Variants in MCM3 observed in about 807,000 individuals in gnomAD.
MCM3 encodes the protein minichromosome maintenance complex component 3, also known as DNA replication licensing factor MCM3.
Under a neutral mutation model 91.3 loss-of-function variants are expected in MCM3, and 59 were observed. The observed-to-expected ratio is 0.65, with a 90% CI of 0.52 to 0.80. MCM3 has a LOEUF of 0.80. Ranked by LOEUF, MCM3 falls within the 30% of genes least tolerant of loss-of-function variation. The probability of loss-of-function intolerance (pLI) is 0.00; values close to 1 mark genes in which losing one functional copy is unlikely to be tolerated. For synonymous variants in MCM3, 383 were observed against 379.6 expected (o/e 1.01, Z -0.10); for missense variants, 919 against 1,035.4 (o/e 0.89, Z 1.54).
At chr6:52,284,562 G>C in intron 1 of MCM3, 35 bp downstream of exon 1, 2 of 1,565,282 alleles carry the variant, frequency 1.3e-6, no homozygotes, top group South Asian at 1.2e-5. Flanking sequence ...CAGGGGCTCC[G>C]AGCGCTAGAG....
intron 5 of MCM3, among the ~76,000 whole-genome samples, chr6:52,279,095 G>A (rs144586650): frequency 1.9e-4 from 29 of 152,296 alleles, no homozygotes; most frequent in African/African-American, 5.3e-4. Context: ...GTATGGGGAC[G>A]AAGTGTAATT....
chr6:52,283,344 C>CA lies in MCM3; in HGVS notation c.140dup (p.Ile48AspfsTer6), dbSNP rs1766317849. The CA allele has an allele frequency of 6.2e-7, 1 of 1,614,216 alleles. No homozygotes were observed. On this transcript the variant is annotated frameshift_variant, in exon 2 of 17. Transcript: ENST00000596288. LOFTEE classifies it high-confidence loss of function. ...TGCGCAGGTCATTCACATTGACAAT[C>CA]AGCCGGTATTGGTTGTCACTGATCA...
At chr6:52,284,550 C>T (rs751995751) in intron 1 of MCM3, 47 bp downstream of exon 1, 11 of 1,542,704 alleles carry the variant, frequency 7.1e-6, no homozygotes, top group Middle Eastern at 2.1e-4. Context: ...GGGCCGCGTC[C>T]GCAGGGGCTC....
intron 9 of MCM3, among the ~76,000 whole-genome samples, chr6:52,274,668 G>A (rs1420885199): frequency 2.0e-5 from 3 of 150,864 alleles, no homozygotes; most frequent in Non-Finnish European, 2.9e-5. Context: ...CAGCTTGGGT[G>A]GCAGGGTAAG....
Position 52,279,559 on chromosome 6 carries a change from G to A in MCM3, c.572C>T (p.Ser191Phe), listed in dbSNP as rs745409596. 1.2e-6 allele frequency: 2 copies of A among 1,614,100 alleles called. No individual in the cohort carries two copies. Among genetic ancestry groups the A allele is most frequent in the Non-Finnish European group, 1.7e-6 (2 of 1,180,014 alleles). The change falls in exon 5 of 17, where the codon TCT (serine) becomes TTT (phenylalanine). Residue 191 changes from serine (S) to phenylalanine (F), a missense_variant. Physicochemically the swap from Ser to Phe is radical, Grantham distance 155 (BLOSUM62 -2). This residue lies in a region of MCM3 where 401 missense variants were observed against 402.7 expected (regional missense o/e 1.00). Transcript: ENST00000596288. ...NNPLETEYGLSVYKDHQTITI... is the reference protein window; with the variant it reads ...NNPLETEYGLFVYKDHQTITI... ...GATGGTCTGGTGATCCTTGTAGACA[G>A]AAAGGCCATATTCTGTCTCAAGGGG...
chr6:52,276,116 G>A (rs1272769734), intron 9 of MCM3, 152 bp downstream of exon 9: 1 of 686,228 alleles, frequency 1.5e-6, no homozygotes, highest in Non-Finnish European at 2.4e-6. Flanking sequence ...GAGGAACACT[G>A]CTCTAAACAA....
At position 52,273,891 on chromosome 6, in the gene MCM3, T is replaced by C. The variant is rs752597412; in HGVS notation, c.1400A>G (p.Glu467Gly). 1.2e-6 allele frequency: 2 copies of C among 1,613,640 alleles called. No individual in the cohort carries two copies. Among genetic ancestry groups the C allele is most frequent in the Non-Finnish European group, 1.7e-6 (2 of 1,179,746 alleles). The change falls in exon 10 of 17, where the codon GAG (glutamate) becomes GGG (glycine). Residue 467 changes from glutamate to glycine, a missense_variant. Physicochemically the swap from Glu to Gly is moderately conservative, Grantham distance 98. Transcript: ENST00000596288. ...GRYDQYKTPM[E>G]NIGLQDSLLS... ...CAGTGAGTCCTGTAGCCCAATGTTC[T>C]CCATTGGAGTCTTATACTGGTCATA...
At chr6:52,270,966 A>T (rs1469375494) in intron 12 of MCM3, among the ~76,000 whole-genome samples, 1 of 152,210 alleles carries the variant, frequency 6.6e-6, no homozygotes, top group East Asian at 1.9e-4. Context: ...TAATCCCAGC[A>T]CTTTGGAAGG....
chr6:52,267,844 C>G, intron 14 of MCM3, 21 bp downstream of exon 14: 2 of 884,834 alleles, frequency 2.3e-6, no homozygotes, highest in Non-Finnish European at 3.7e-6. Context: ...TTTTTAATCT[C>G]ATTTGCTTGC....
At chr6:52,265,217 AT>A (rs1234217792) in intron 16 of MCM3, 1 of 372,124 alleles carries the variant, frequency 2.7e-6, no homozygotes. Context: ...ATTTCATTAA[AT>A]TTTTACCCAT....
At chr6:52,281,926 A>G (rs957720620) in intron 4 of MCM3, 119 bp downstream of exon 4, 7 of 971,574 alleles carry the variant, frequency 7.2e-6, no homozygotes, top group Admixed American at 2.8e-5. Flanking sequence ...CCTTTGGATT[A>G]ATCCTTATTT....
intron 16 of MCM3, chr6:52,265,088 G>C: frequency 2.5e-6 from 1 of 399,408 alleles, no homozygotes; most frequent in Non-Finnish European, 4.7e-6. Flanking sequence ...ATATCCTTTG[G>C]CCCAGGGAGC....
In MCM3 at chr6:52,269,153, C is replaced by T. The variant is rs768262054; in HGVS notation, c.1901G>A (p.Ser634Asn). ...LATAHAKARMSKTVDLQDAEE... is the reference protein window; with the variant it reads ...LATAHAKARMNKTVDLQDAEE... ...TGCATCCTGCAGGTCCACAGTCTTG[C>T]TCATGCGGGCCTTCGCATGGGCTGT... is the stretch of plus-strand genomic sequence containing the variant. Residue 634 changes from serine (S) to asparagine (N), a missense_variant, in exon 13 of 17, where the codon AGC becomes AAC. Ser to Asn is a conservative substitution (Grantham distance 46, BLOSUM62 1). Coordinates refer to ENST00000596288, the MANE Select transcript of MCM3 (RefSeq NM_002388.6). 2.5e-6 allele frequency: 4 copies of T among 1,614,098 alleles called. No individual in the cohort carries two copies. In the South Asian group the frequency reaches 3.3e-5, roughly 13 times the overall value.
intron 12 of MCM3, among the ~76,000 whole-genome samples, chr6:52,271,835 G>T (rs1268475760): frequency 6.6e-6 from 1 of 152,162 alleles, no homozygotes; most frequent in Admixed American, 6.5e-5. Context: ...AAGTCTAAAA[G>T]AAATTAACAG....
intron 6 of MCM3, among the ~76,000 whole-genome samples, chr6:52,278,070 CAAAAAAAAA>C (rs61625257): frequency 2.1e-4 from 8 of 38,962 alleles, no homozygotes; most frequent in Admixed American, 5.0e-4. Flanking sequence ...TCCGTCTCAC[CAAAAAAAAA>C]AAAAAAAAAA....
chr6:52,277,196 C>A lies in MCM3; in HGVS notation c.1036G>T (p.Asp346Tyr). 6.2e-7 allele frequency: 1 copy of A among 1,612,554 alleles called. No individual in the cohort carries two copies. Among genetic ancestry groups the A allele is most frequent in the South Asian group, 1.1e-5 (1 of 90,950 alleles). The change falls in exon 8 of 17, where the codon GAC (aspartate) becomes TAC (tyrosine). Residue 346 changes from aspartate (D) to tyrosine (Y), a missense_variant and splice_region_variant. Asp to Tyr is a radical substitution (Grantham distance 160, BLOSUM62 -3). Transcript: ENST00000596288. ...AGCTGAGACTTGGCAACGGATGGGT[C>A]TCCTGTAGGGTGGGGGCAGTGATGA... ...RGDINILLIG[D>Y]PSVAKSQLLR...
intron 9 of MCM3, among the ~76,000 whole-genome samples, chr6:52,275,764 CACAG>C (rs1193000798): frequency 6.6e-6 from 1 of 152,146 alleles, no homozygotes; most frequent in African/African-American, 2.4e-5. Flanking sequence ...AAACCCCACG[CACAG>C]ACAAATATAA....
chr6:52,282,224 T>TAC (rs779797396), intron 3 of MCM3, 49 bp from the exon 4 acceptor site: 27 of 1,594,922 alleles, frequency 1.7e-5, no homozygotes, highest in Non-Finnish European at 2.1e-5. Context: ...TAGACGATGA[T>TAC]ACAGGTGGAA....
rs377145528 is a variant in MCM3 at position 52,269,259 on chromosome 6, A to G, written c.1828-33T>C. On this transcript the variant is annotated intron_variant, in intron 12 of 16. Coordinates refer to ENST00000596288, the MANE Select transcript of MCM3 (RefSeq NM_002388.6). ...AGAAAAGGGAGGATTGCTTATCCCA[A>G]GTCTTTTAGGCATGCCCATCAATCC... 6.3e-6 allele frequency: 10 copies of G among 1,588,762 alleles called. No individual in the cohort carries two copies. The East Asian group carries it at 2.0e-4, about 32-fold the overall frequency.
Sources: gnomAD v4.1 joint callset for allele counts (sites outside exome capture counted in the v4.1 genomes callset) on GRCh38, gnomAD v4.1.1 for gene constraint, gnomAD v4.1.1 regional missense constraint, MANE v1.5 for transcripts, NCBI Gene and HGNC (gene_info 2026-07-23, HGNC 2026-07-21) for gene names.